NAXD: variants seen among roughly 807,000 people sequenced by gnomAD.
NAXD encodes NAD(P)HX dehydratase.
In NAXD, 22 loss-of-function variants were observed where a neutral mutation model predicts 35.8. The ratio of observed to expected loss-of-function variants is 0.62; its 90% CI spans 0.44 to 0.88. The LOEUF is 0.88. Among genes scored for constraint, NAXD ranks in the 40% least tolerant of loss-of-function variants. NAXD has a pLI of 0.00. For synonymous variants in NAXD, 189 were observed against 177.6 expected (o/e 1.06, Z -0.51); for missense variants, 428 against 437.7 (o/e 0.98, Z 0.20).
At chr13:110,632,619 A>C (rs1051372745) in intron 5 of NAXD, among the ~76,000 whole-genome samples, 7 of 152,102 alleles carry the variant, frequency 4.6e-5, no homozygotes, top group Non-Finnish European at 8.8e-5. Context: ...CCAAGGCCCC[A>C]CCAGAGCATC....
chr13:110,620,572 CTG>C (rs1345839447), intron 1 of NAXD, among the ~76,000 whole-genome samples: 2 of 130,122 alleles, frequency 1.5e-5, no homozygotes, highest in East Asian at 4.4e-4. Flanking sequence ...GAGTGAGACT[CTG>C]TCTCAAAAAA....
intron 8 of NAXD, among the ~76,000 whole-genome samples, chr13:110,636,424 ACT>A (rs1442364648): frequency 3.9e-5 from 6 of 152,014 alleles, no homozygotes; most frequent in Non-Finnish European, 8.8e-5. Context: ...GCCCTTGCAC[ACT>A]CGCACTTATA....
chr13:110,637,501 G>A (rs987392309), intron 9 of NAXD, among the ~76,000 whole-genome samples: 2 of 152,194 alleles, frequency 1.3e-5, no homozygotes, highest in Admixed American at 1.3e-4. Flanking sequence ...AGAGAGTTCC[G>A]AGGTGCAACC....
At chr13:110,633,391 C>T (rs1455576412) in intron 5 of NAXD, among the ~76,000 whole-genome samples, 1 of 152,220 alleles carries the variant, frequency 6.6e-6, no homozygotes, top group African/African-American at 2.4e-5. Flanking sequence ...CAGGCAGCCC[C>T]AGTTCCCGCT....
In NAXD at chr13:110,636,156, C is replaced by T. The variant is rs539608785; in HGVS notation, c.718+568C>T. Among the ~76,000 whole-genome samples the T allele has an allele frequency of 1.6e-4, 25 of 152,300 alleles. No homozygotes were observed. The South Asian group carries it at 2.1e-3, about 13-fold the overall frequency. Reference sequence around the variant, plus strand: ...GGGCAGAGGCCGGGCCCAGCGCCAGCGAGGCATCTGGGGAGCCGTGCCCTT... The same window carrying T: ...GGGCAGAGGCCGGGCCCAGCGCCAGTGAGGCATCTGGGGAGCCGTGCCCTT... On this transcript the variant is annotated intron_variant, in intron 8 of 9. Coordinates refer to ENST00000680254, the MANE Select transcript of NAXD (RefSeq NM_001242882.2).
chr13:110,627,752 T>G (rs1886548970), intron 5 of NAXD, among the ~76,000 whole-genome samples: 1 of 152,220 alleles, frequency 6.6e-6, no homozygotes, highest in Admixed American at 6.5e-5. Context: ...CGGGCCCGAC[T>G]GTTTTCTCAT....
intron 5 of NAXD, among the ~76,000 whole-genome samples, chr13:110,631,560 T>G (rs1298653634): frequency 1.3e-5 from 2 of 152,198 alleles, no homozygotes; most frequent in African/African-American, 4.8e-5. Flanking sequence ...TTTTCCAGGG[T>G]TTGAATATTC....
At chr13:110,630,088 G>A (rs1352387382) in intron 5 of NAXD, among the ~76,000 whole-genome samples, 1 of 151,938 alleles carries the variant, frequency 6.6e-6, no homozygotes, top group African/African-American at 2.4e-5. Context: ...GGAGTATAAT[G>A]GCGTGATCTT....
At chr13:110,621,337 A>G (rs1370649978) in intron 1 of NAXD, among the ~76,000 whole-genome samples, 3 of 152,270 alleles carry the variant, frequency 2.0e-5, no homozygotes, top group African/African-American at 7.2e-5. Context: ...ACTTGATAAA[A>G]CTTTCTGGAA....
At chr13:110,615,876 G>A (rs1886031792) in intron 1 of NAXD, 1 of 1,039,218 alleles carries the variant, frequency 9.6e-7, no homozygotes, top group East Asian at 3.3e-5. Flanking sequence ...GCGGGGCGGA[G>A]TAGGGAGAGG....
At chr13:110,622,492 C>G in intron 2 of NAXD, 126 bp downstream of exon 2, 5 of 914,484 alleles carry the variant, frequency 5.5e-6, no homozygotes, top group Non-Finnish European at 8.2e-6. Flanking sequence ...TGATAGGACA[C>G]TCAGTATTTT....
intron 7 of NAXD, 57 bp from the exon 8 acceptor site, chr13:110,635,409 CTG>C: frequency 6.3e-7 from 1 of 1,586,686 alleles, no homozygotes. Context: ...ACAGGGCTAT[CTG>C]TCGTCGTGTG....
chr13:110,638,460 C>A lies in NAXD; in HGVS notation c.922C>A (p.Arg308Ser). Reference protein sequence around the residue: ...CNHQAFQKHGRSTTTSDMIAE... With the variant: ...CNHQAFQKHGSSTTTSDMIAE... Reference sequence around the variant, plus strand: ...CCACCAAGCCTTCCAGAAGCACGGTCGCTCCACCACCACCTCCGACATGAT... The same window carrying A: ...CCACCAAGCCTTCCAGAAGCACGGTAGCTCCACCACCACCTCCGACATGAT... Residue 308 changes from arginine (R) to serine (S), a missense_variant, in exon 10 of 10, where the codon CGC (arginine) becomes AGC (serine). Physicochemically the swap from Arg to Ser is moderately radical, Grantham distance 110. Around this residue, in one of 3 missense-constraint regions of NAXD, gnomAD observed 209 missense variants for 214.6 expected, o/e 0.97. Coordinates refer to ENST00000680254, the MANE Select transcript of NAXD (RefSeq NM_001242882.2). The surrounding 1 kb of genome is among the most constrained non-coding windows in gnomAD (Gnocchi z 5.4). 6.2e-7 allele frequency: 1 copy of A among 1,613,366 alleles called. No individual in the cohort carries two copies. Among genetic ancestry groups the A allele is most frequent in the Non-Finnish European group, 8.5e-7 (1 of 1,180,018 alleles).
At position 110,615,605 on chromosome 13, in the gene NAXD, G is replaced by T. The variant is rs1184134003; in HGVS notation, c.4G>T (p.Ala2Ser). 17 of 1,441,820 alleles carry T rather than the reference G, an allele frequency of 1.2e-5. No homozygotes were observed. Among genetic ancestry groups the T allele is most frequent in the South Asian group, 5.5e-5 (4 of 72,716 alleles). The allele number at this position is 1,441,820 out of a possible 1,614,324, so 89.3% of individuals were successfully genotyped here. A position where few individuals can be genotyped will look rare whatever the true frequency, so the allele number is the denominator to read the frequency against. The change falls in exon 1 of 10, where the codon GCC (alanine) becomes TCC (serine). Residue 2 changes from alanine to serine, a missense_variant. By Grantham distance (99) the Ala-to-Ser change is moderately conservative. Around this residue, in one of 3 missense-constraint regions of NAXD, gnomAD observed 208 missense variants for 193.0 expected, o/e 1.08. Transcript: ENST00000680254. The stretch of plus-strand genomic sequence containing the variant: ...TGGGAATCCGGAATGCTGCCCGATG[G>T]CCCTGGGTCCTCGCTGTGGGGCAAT... M[A>S]LGPRCGAIRA...
At chr13:110,616,111 C>T (rs930536369) in intron 1 of NAXD, 8 of 305,840 alleles carry the variant, frequency 2.6e-5, no homozygotes, top group African/African-American at 1.5e-4. Context: ...GTCTGCTCTG[C>T]TCTGTCCCCG....
In NAXD at chr13:110,615,632, C is replaced by G. The variant is rs759311472; in HGVS notation, c.31C>G (p.Arg11Gly). The change falls in exon 1 of 10, where the codon CGG (arginine) becomes GGG (glycine). Residue 11 changes from arginine (R) to glycine (G), a missense_variant. Around this residue, in one of 3 missense-constraint regions of NAXD, gnomAD observed 208 missense variants for 193.0 expected, o/e 1.08. Coordinates refer to ENST00000680254, the MANE Select transcript of NAXD (RefSeq NM_001242882.2). ...CCTGGGTCCTCGCTGTGGGGCAATC[C>G]GGGCTTGCAGACGAGGTAAGGTCGA... Reference protein sequence around the residue: MALGPRCGAIRACRRVLERAF... With the variant: MALGPRCGAIGACRRVLERAF... The G allele has an allele frequency of 1.0e-5, 15 of 1,483,510 alleles. No homozygotes were observed. In the South Asian group the frequency reaches 1.9e-4, roughly 19 times the overall value. The allele number at this position is 1,483,510 out of a possible 1,614,324, so 91.9% of individuals were successfully genotyped here.
rs926739453 is a variant in NAXD at position 110,628,782 on chromosome 13, C to T, written c.441+1235C>T. On this transcript the variant is annotated intron_variant, in intron 5 of 9. Transcript: ENST00000680254. The surrounding 1 kb of genome is among the most constrained non-coding windows in gnomAD (Gnocchi z 4.1). Reference sequence around the variant, plus strand: ...AATGGGGAGTCCCATCTGCAGGCTGCGGGTCTGCGGTGCACGGCTGCTGCT... The same window carrying T: ...AATGGGGAGTCCCATCTGCAGGCTGTGGGTCTGCGGTGCACGGCTGCTGCT... Among the ~76,000 whole-genome samples the T allele has an allele frequency of 2.0e-5, 3 of 152,146 alleles. No homozygotes were observed. Among genetic ancestry groups the T allele is most frequent in the Admixed American group, 6.5e-5 (1 of 15,272 alleles).
At chr13:110,636,740 CTG>C (rs781161098) in intron 8 of NAXD, among the ~76,000 whole-genome samples, 21 of 152,260 alleles carry the variant, frequency 1.4e-4, no homozygotes, top group Non-Finnish European at 2.2e-4. Context: ...AAGGTGAACT[CTG>C]GAGTGTGGGC....
At chr13:110,623,514 C>T (rs75665235) in intron 2 of NAXD, among the ~76,000 whole-genome samples, 4 of 152,164 alleles carry the variant, frequency 2.6e-5, no homozygotes, top group African/African-American at 9.7e-5. Flanking sequence ...GACTGTGACT[C>T]TTGGAGGACG....
Sources: allele counts gnomAD v4.1 joint callset (sites outside exome capture counted in the v4.1 genomes callset), GRCh38; gene constraint gnomAD v4.1.1; regional missense constraint gnomAD v4.1.1; non-coding constraint Gnocchi (gnomAD v3.1); transcripts MANE v1.5; gene names NCBI Gene and HGNC (gene_info 2026-07-23, HGNC 2026-07-21).